GPC6: variants seen among roughly 807,000 people sequenced by gnomAD.
GPC6 encodes glypican 6.
In GPC6, 14 loss-of-function variants were observed where a neutral mutation model predicts 55.2. That is an observed-to-expected ratio of 0.25 (90% confidence interval 0.17 to 0.40). The LOEUF (loss-of-function observed/expected upper bound fraction) is 0.40, where lower values mean the gene tolerates loss of function less well. Ranked by LOEUF, GPC6 falls within the 10% of genes least tolerant of loss-of-function variation. The probability of loss-of-function intolerance (pLI) is 1.00; values close to 1 mark genes in which losing one functional copy is unlikely to be tolerated. For synonymous variants in GPC6, 278 were observed against 259.6 expected, an observed-to-expected ratio of 1.07 and a Z score of -0.68; for missense variants, 641 against 708.5, an observed-to-expected ratio of 0.90 and a Z score of 1.08.
intron 2 of GPC6, among the ~76,000 whole-genome samples, chr13:93,556,760 A>G (rs1298954758): frequency 1.3e-5 from 2 of 151,756 alleles, no homozygotes; most frequent in African/African-American, 2.4e-5. Context: ...CATGAGTTCA[A>G]TTGTATTTAT....
chr13:93,221,396 A>T, the GPC6 span, among the ~76,000 whole-genome samples: 30 of 152,198 alleles, frequency 2.0e-4, no homozygotes, highest in Admixed American at 7.9e-4. Context: ...AGTAGATCAC[A>T]TGATTCCCTT....
chr13:93,478,164 A>G (rs913231891), intron 1 of GPC6, among the ~76,000 whole-genome samples: 4 of 152,168 alleles, frequency 2.6e-5, no homozygotes, highest in Non-Finnish European at 5.9e-5. Flanking sequence ...CAAACTAGAA[A>G]TGTTAGATGC....
intron 2 of GPC6, among the ~76,000 whole-genome samples, chr13:93,789,634 T>TATATAATACTAC (rs1885961902): frequency 1.1e-5 from 1 of 93,114 alleles, no homozygotes; most frequent in Non-Finnish European, 2.2e-5. Flanking sequence ...TATATATATA[T>TATATAATACTAC]ATATATATAT....
rs1206889022 is a variant in GPC6, at chr13:93,227,853, G to T, written c.160+237G>T. 6.6e-6 allele frequency among the ~76,000 whole-genome samples: 1 copy of T among 152,120 alleles called. No individual in the cohort carries two copies. The highest frequency in any genetic ancestry group is 2.4e-5 in the African/African-American group (1 of 41,450). ...CACACGCGGGAGCACCCTGGCTCCC[G>T]CCTCCCGCTGCTCTCGCGCCCTTCT... is the stretch of plus-strand genomic sequence containing the variant. On this transcript the variant is annotated intron_variant, in intron 1 of 8. Transcript: ENST00000377047. This position sits in a 1 kb window ranked among gnomAD's most constrained non-coding sequence, Gnocchi z 4.3.
intron 2 of GPC6, among the ~76,000 whole-genome samples, chr13:93,676,106 TAAAAAA>T (rs760322815): frequency 0.11 from 2,407 of 22,876 alleles, 189 homozygotes; most frequent in African/African-American, 0.23. Flanking sequence ...CTGTTTCTAC[TAAAAAA>T]AAAAAAAAAA....
intron 3 of GPC6, among the ~76,000 whole-genome samples, chr13:93,842,432 T>A (rs1175692330): frequency 6.6e-6 from 1 of 152,196 alleles, no homozygotes; most frequent in African/African-American, 2.4e-5. Flanking sequence ...CATTTTTGGC[T>A]AGGATGGAAG....
At chr13:94,066,202 TG>T (rs1410957875) in intron 4 of GPC6, among the ~76,000 whole-genome samples, 1 of 152,196 alleles carries the variant, frequency 6.6e-6, no homozygotes, top group East Asian at 1.9e-4. Flanking sequence ...TAGATATTCA[TG>T]GTCTAATCTT....
chr13:94,025,108 G>C (rs948871668), intron 3 of GPC6, among the ~76,000 whole-genome samples: 6 of 152,200 alleles, frequency 3.9e-5, no homozygotes, highest in African/African-American at 1.2e-4. Context: ...TCTAATACCA[G>C]AACACTGAGT....
At position 94,357,519 on chromosome 13, in the gene GPC6, G is replaced by A. The variant is rs531084245; in HGVS notation, c.1153-24895G>A. Among the ~76,000 whole-genome samples, 74 of 152,222 alleles carry A rather than the reference G, an allele frequency of 4.9e-4. No individual in the cohort carries two copies. In the South Asian group the frequency reaches 5.8e-3, roughly 12 times the overall value. On this transcript the variant is annotated intron_variant, in intron 6 of 8. Transcript: ENST00000377047. ...ATACAGCGTGAACACACAATTCTGC[G>A]GCACTCTTGGCCAACTGATGGTACC...
intron 1 of GPC6, among the ~76,000 whole-genome samples, chr13:93,433,743 T>C (rs1336487868): frequency 6.6e-6 from 1 of 152,100 alleles, no homozygotes; most frequent in African/African-American, 2.4e-5. Flanking sequence ...TGCTGGGCTA[T>C]GGTGGGTTTT....
intron 2 of GPC6, among the ~76,000 whole-genome samples, chr13:93,591,934 A>AG (rs1877509416): frequency 6.6e-6 from 1 of 152,198 alleles, no homozygotes; most frequent in African/African-American, 2.4e-5. Flanking sequence ...TTTTGGGTTG[A>AG]GTTCTACAAA....
chr13:93,478,649 C>T (rs1879388292), intron 1 of GPC6, among the ~76,000 whole-genome samples: 1 of 152,058 alleles, frequency 6.6e-6, no homozygotes, highest in Admixed American at 6.6e-5. Flanking sequence ...CTGGTTTTGG[C>T]ACTGGGAGCA....
In GPC6 at chr13:93,294,970, G is replaced by A. The variant is rs190734240; in HGVS notation, c.160+67354G>A. Among the ~76,000 whole-genome samples the A allele has an allele frequency of 5.4e-3, 815 of 151,598 alleles. 14 individuals carry two copies. The highest frequency in any genetic ancestry group is 0.047 in the Admixed American group (720 of 15,190). On this transcript the variant is annotated intron_variant, in intron 1 of 8. Coordinates refer to ENST00000377047, the MANE Select transcript of GPC6 (RefSeq NM_005708.5). ...TCTCCTGGTTAAGTCAGTTCAGGTT[G>A]CTATAGAAAAAAATTTTAGGTCTGG...
intron 1 of GPC6, among the ~76,000 whole-genome samples, chr13:93,228,133 TCGGGCGACAGAGCGCC>T (rs1875872815): frequency 6.6e-6 from 1 of 151,978 alleles, no homozygotes; most frequent in Non-Finnish European, 1.5e-5. Context: ...TATCCGTCCT[TCGGGCGACAGAGCGCC>T]CGGCGCTCGG....
intron 1 of GPC6, among the ~76,000 whole-genome samples, chr13:93,237,379 C>T (rs9523971): frequency 0.27 from 40,276 of 151,442 alleles, 5,531 homozygotes; most frequent in African/African-American, 0.35. Flanking sequence ...TTTTGAAAAA[C>T]GTCTCTTCAT....
intron 1 of GPC6, among the ~76,000 whole-genome samples, chr13:93,357,187 C>T (rs1257243754): frequency 6.6e-6 from 1 of 152,130 alleles, no homozygotes; most frequent in African/African-American, 2.4e-5. Flanking sequence ...TTTCTGCAAG[C>T]TGGGCAAGTA....
At chr13:93,376,912 G>A (rs9524030) in intron 1 of GPC6, among the ~76,000 whole-genome samples, 1 of 151,928 alleles carries the variant, frequency 6.6e-6, no homozygotes, top group African/African-American at 2.4e-5. Context: ...GCTTATATTA[G>A]GAATTGCTGA....
At chr13:93,506,864 C>A (rs1172794053) in intron 1 of GPC6, among the ~76,000 whole-genome samples, 3 of 146,646 alleles carry the variant, frequency 2.0e-5, no homozygotes, top group Admixed American at 1.4e-4. Context: ...CACGGTGAAA[C>A]CCTGTCTCTA....
chr13:93,828,640 A>T (rs1887362333), intron 2 of GPC6, among the ~76,000 whole-genome samples: 1 of 152,118 alleles, frequency 6.6e-6, no homozygotes, highest in South Asian at 2.1e-4. Flanking sequence ...CCATTTGGTG[A>T]CCTGGACAAA....
Sources: allele counts gnomAD v4.1 joint callset (sites outside exome capture counted in the v4.1 genomes callset), GRCh38; gene constraint gnomAD v4.1.1; non-coding constraint Gnocchi (gnomAD v3.1); transcripts MANE v1.5; gene names NCBI Gene and HGNC (gene_info 2026-07-23, HGNC 2026-07-21).